The following WDFY4 variants were observed in gnomAD, a reference collection of about 807,000 sequenced individuals.
WDFY4 encodes WDFY family member 4.
Under a neutral mutation model 351.9 loss-of-function variants are expected in WDFY4, and 169 were observed. The ratio of observed to expected loss-of-function variants is 0.48; its 90% CI spans 0.42 to 0.55. WDFY4 has a LOEUF of 0.55. Among genes scored for constraint, WDFY4 ranks in the 20% least tolerant of loss-of-function variants. The probability of loss-of-function intolerance (pLI) is 0.00; values close to 1 mark genes in which losing one functional copy is unlikely to be tolerated. For synonymous variants in WDFY4, 1,622 were observed against 1,574.6 expected (o/e 1.03, Z -0.71); for missense variants, 3,803 against 3,935.6 (o/e 0.97, Z 0.90).
At chr10:48,872,204 A>C (rs1474046748) in intron 40 of WDFY4, among the ~76,000 whole-genome samples, 1 of 152,260 alleles carries the variant, frequency 6.6e-6, no homozygotes, top group East Asian at 1.9e-4. Flanking sequence ...AAAATGGCCA[A>C]GATTTGCAAG....
intron 11 of WDFY4, among the ~76,000 whole-genome samples, chr10:48,739,835 G>A (rs1233651245): frequency 6.6e-6 from 1 of 152,066 alleles, no homozygotes; most frequent in Admixed American, 6.5e-5. Flanking sequence ...TCATAATGAG[G>A]GTGATTATTG....
Position 48,978,354 on chromosome 10 carries a change from G to C in WDFY4, c.9337G>C (p.Ala3113Pro). 1.9e-6 allele frequency: 3 copies of C among 1,551,432 alleles called. No homozygotes were observed. The highest frequency in any genetic ancestry group is 2.0e-5 in the Admixed American group (1 of 50,998). ...DVKMSVPGRP[A>P]GEEPPAQPPS... ...GAAGATGTCTGTTCCTGGACGGCCA[G>C]CAGGAGAGGAGCCCCCGGCTCAGCC... The change falls in exon 60 of 62, where the codon GCA becomes CCA. Residue 3113 changes from alanine (A) to proline (P), a missense_variant. By Grantham distance (27) the Ala-to-Pro change is conservative. This residue lies in a region of WDFY4 where 3,054 missense variants were observed against 3,148.6 expected (regional missense o/e 0.97). Transcript: ENST00000325239.
At chr10:48,722,390 G>A (rs2064120574) in intron 4 of WDFY4, among the ~76,000 whole-genome samples, 1 of 152,194 alleles carries the variant, frequency 6.6e-6, no homozygotes, top group Non-Finnish European at 1.5e-5. Flanking sequence ...CGGGGGTGAG[G>A]TGGGGGAAGG....
At chr10:48,742,906 TG>T in intron 11 of WDFY4, 61 bp from the exon 12 acceptor site, 2 of 1,437,224 alleles carry the variant, frequency 1.4e-6, no homozygotes, top group Non-Finnish European at 1.9e-6. Flanking sequence ...CAGGAATGTG[TG>T]TGGGCTCAGG....
At chr10:48,734,779 CTTT>C (rs779399565) in intron 10 of WDFY4, among the ~76,000 whole-genome samples, 3 of 140,224 alleles carry the variant, frequency 2.1e-5, no homozygotes, top group African/African-American at 2.6e-5. Context: ...CAGGAATCTA[CTTT>C]TTTTTTTTTT....
rs76494581 is a variant in WDFY4 at position 48,686,843 on chromosome 10, T to C, written c.-18+1842T>C. Among the ~76,000 whole-genome samples the C allele has an allele frequency of 2.8e-3, 420 of 152,306 alleles. 1 individual carries two copies. The highest frequency in any genetic ancestry group is 9.6e-3 in the African/African-American group (399 of 41,548). On this transcript the variant is annotated intron_variant, in intron 1 of 61. Transcript: ENST00000325239. ...TAGAACTATTTTTGTACATGCATCT[T>C]GGGGCATGTGTGCAAGAATTTATCT...
At chr10:48,858,033 A>G (rs1001849705) in intron 39 of WDFY4, among the ~76,000 whole-genome samples, 2 of 152,292 alleles carry the variant, frequency 1.3e-5, no homozygotes, top group African/African-American at 4.8e-5. Flanking sequence ...ACCTCAGGTG[A>G]TCCACCTGCC....
intron 39 of WDFY4, among the ~76,000 whole-genome samples, chr10:48,834,259 G>T (rs1475534731): frequency 6.6e-6 from 1 of 151,660 alleles, no homozygotes; most frequent in South Asian, 2.1e-4. Flanking sequence ...TAAAAATGTG[G>T]AAGCTGAATC....
chr10:48,857,796 T>C (rs1165007422), intron 39 of WDFY4, among the ~76,000 whole-genome samples: 3 of 152,066 alleles, frequency 2.0e-5, no homozygotes, highest in Non-Finnish European at 2.9e-5. Context: ...ACTTGTTGAT[T>C]TTTTTTTCTT....
In WDFY4 at chr10:48,966,574, C is replaced by T. The variant is rs980054560; in HGVS notation, c.8485C>T (p.Pro2829Ser). The change falls in exon 55 of 62, where the codon CCT (proline) becomes TCT (serine). Residue 2829 changes from proline (P) to serine (S), a missense_variant. Physicochemically the swap from Pro to Ser is moderately conservative, Grantham distance 74. This residue lies in a region of WDFY4 where 3,054 missense variants were observed against 3,148.6 expected (regional missense o/e 0.97). Transcript: ENST00000325239. The part of the protein sequence containing the change: ...PARTAAGKPL[P>S]GKDVSTPVSL... The stretch of plus-strand genomic sequence containing the variant: ...CAGGACTGCAGCAGGGAAGCCTCTG[C>T]CTGGAAAGGATGTCTCCACCCCCGT... 3.9e-6 allele frequency: 6 copies of T among 1,552,064 alleles called. No homozygotes were observed. In the African/African-American group the frequency reaches 5.5e-5, roughly 14 times the overall value.
In WDFY4 at chr10:48,786,775, A is replaced by G; in HGVS notation, c.3713A>G (p.Tyr1238Cys). 6.4e-7 allele frequency: 1 copy of G among 1,552,278 alleles called. No homozygotes were observed. The highest frequency in any genetic ancestry group is 8.7e-7 in the Non-Finnish European group (1 of 1,147,116). ...TTAATCTGGCGTCTTGGCCCCACATACCTCTTTGAAGAAGCCATTTCAATG... is the reference window on the plus strand; with the variant it reads ...TTAATCTGGCGTCTTGGCCCCACATGCCTCTTTGAAGAAGCCATTTCAATG... ...SSLIWRLGPT[Y>C]LFEEAISMET... Residue 1238 changes from tyrosine to cysteine, a missense_variant, in exon 20 of 62, where the codon TAC becomes TGC. By Grantham distance (194) the Tyr-to-Cys change is radical. Around this residue, in one of 3 missense-constraint regions of WDFY4, gnomAD observed 3,054 missense variants for 3,148.6 expected, o/e 0.97. Coordinates refer to ENST00000325239, the MANE Select transcript of WDFY4 (RefSeq NM_001394531.1).
chr10:48,870,614 C>T (rs1475905524), intron 40 of WDFY4, among the ~76,000 whole-genome samples: 1 of 151,854 alleles, frequency 6.6e-6, no homozygotes, highest in African/African-American at 2.4e-5. Context: ...AGAATCCCTG[C>T]CTGTGAGTCT....
At chr10:48,866,014 G>T (rs534394345) in intron 39 of WDFY4, among the ~76,000 whole-genome samples, 1 of 151,740 alleles carries the variant, frequency 6.6e-6, no homozygotes, top group African/African-American at 2.4e-5. Flanking sequence ...CAATTTTATC[G>T]ATCTTTCCAA....
chr10:48,865,864 A>G (rs1336706746), intron 39 of WDFY4, among the ~76,000 whole-genome samples: 1 of 152,150 alleles, frequency 6.6e-6, no homozygotes, highest in Non-Finnish European at 1.5e-5. Flanking sequence ...ATTTATTGGC[A>G]TACAATTGTT....
chr10:48,887,010 G>A (rs1186515504), intron 43 of WDFY4, among the ~76,000 whole-genome samples: 2 of 152,208 alleles, frequency 1.3e-5, no homozygotes, highest in African/African-American at 4.8e-5. Flanking sequence ...GTTCACTTGG[G>A]TTCATTTTCT....
intron 25 of WDFY4, chr10:48,804,718 G>A: frequency 2.0e-6 from 2 of 985,164 alleles, no homozygotes; most frequent in Non-Finnish European, 2.4e-6. Context: ...TATCCTGGGA[G>A]CTGTTTTCTT....
At chr10:48,701,403 C>A (rs1489769462) in intron 1 of WDFY4, among the ~76,000 whole-genome samples, 1 of 152,200 alleles carries the variant, frequency 6.6e-6, no homozygotes, top group Non-Finnish European at 1.5e-5. Flanking sequence ...TGTGTCCCCA[C>A]TTTCAATTCT....
intron 5 of WDFY4, among the ~76,000 whole-genome samples, chr10:48,725,202 G>T (rs766046293): frequency 6.6e-6 from 1 of 152,224 alleles, no homozygotes; most frequent in Non-Finnish European, 1.5e-5. Context: ...AGACTAGAAG[G>T]GGAAAATGTC....
At chr10:48,787,909 CTTCTTCTTCTTCTT>C (rs2066508878) in intron 20 of WDFY4, among the ~76,000 whole-genome samples, 6 of 37,750 alleles carry the variant, frequency 1.6e-4, no homozygotes, top group African/African-American at 8.9e-4. Flanking sequence ...TCTTCTTCTT[CTTCTTCTTCTTCTT>C]CTTCTTCTTC....
Sources: allele counts gnomAD v4.1 joint callset (sites outside exome capture counted in the v4.1 genomes callset), GRCh38; gene constraint gnomAD v4.1.1; regional missense constraint gnomAD v4.1.1; transcripts MANE v1.5; gene names NCBI Gene and HGNC (gene_info 2026-07-23, HGNC 2026-07-21).